ANK2: variants seen among roughly 807,000 people sequenced by gnomAD.
ANK2 encodes the protein ankyrin 2.
ANK2 carries 83 observed loss-of-function variants against 360.5 expected under a neutral mutation model. That is an observed-to-expected ratio of 0.23 (90% CI 0.19 to 0.28). ANK2 has a LOEUF of 0.28. Ranked by LOEUF, ANK2 falls within the 10% of genes least tolerant of loss-of-function variation. The probability of loss-of-function intolerance (pLI) is 1.00; values close to 1 mark genes in which losing one functional copy is unlikely to be tolerated. For missense variants in ANK2, 4,201 were observed against 4,795.7 expected (o/e 0.88, Z 3.66); for synonymous variants, 1,740 against 1,759.5 (o/e 0.99, Z 0.28).
At chr4:113,254,771 T>G (rs1223556120) in intron 10 of ANK2, among the ~76,000 whole-genome samples, 1 of 152,210 alleles carries the variant, frequency 6.6e-6, no homozygotes, top group African/African-American at 2.4e-5. Context: ...CCTTTTCTGG[T>G]AAAATATCCA....
chr4:113,285,163 C>T (rs1180768981), intron 18 of ANK2, among the ~76,000 whole-genome samples: 1 of 150,106 alleles, frequency 6.7e-6, no homozygotes, highest in Non-Finnish European at 1.5e-5. Context: ...TTCCAGAAAC[C>T]TTTCAAACAG....
chr4:112,826,495 G>GTTACATCTACTT, intron 1 of ANK2: 3 of 1,167,216 alleles, frequency 2.6e-6, no homozygotes, highest in Non-Finnish European at 3.8e-6. Flanking sequence ...ACATCTACTG[G>GTTACATCTACTT]GACCACATCT....
At chr4:112,997,789 C>T (rs1171545823) in intron 2 of ANK2, among the ~76,000 whole-genome samples, 4 of 150,992 alleles carry the variant, frequency 2.6e-5, no homozygotes. Flanking sequence ...ATACAAATGA[C>T]TTAAACATAT....
chr4:113,183,673 A>T (rs916144807), intron 2 of ANK2, among the ~76,000 whole-genome samples: 1 of 152,098 alleles, frequency 6.6e-6, no homozygotes, highest in African/African-American at 2.4e-5. Flanking sequence ...AGAGGGTTGG[A>T]TGCTTAAAAT....
chr4:112,778,033 G>A, the ANK2 span, among the ~76,000 whole-genome samples: 1 of 151,620 alleles, frequency 6.6e-6, no homozygotes, highest in Non-Finnish European at 1.5e-5. Context: ...GCAATGGCGC[G>A]ATCTCGGCTC....
the ANK2 span, among the ~76,000 whole-genome samples, chr4:112,801,267 A>G: frequency 6.6e-6 from 1 of 152,208 alleles, no homozygotes; most frequent in African/African-American, 2.4e-5. Context: ...AAATCATGAT[A>G]TCATTTTGTT....
chr4:113,054,384 A>C (rs538084058), intron 1 of ANK2, among the ~76,000 whole-genome samples: 1 of 152,256 alleles, frequency 6.6e-6, no homozygotes, highest in East Asian at 1.9e-4. Context: ...AGAGAGATGA[A>C]GGAGGAAAGT....
chr4:113,373,157 A>T lies in ANK2; in HGVS notation c.11678A>T (p.His3893Leu). The T allele has an allele frequency of 1.2e-6, 2 of 1,614,096 alleles. No homozygotes were observed. Among genetic ancestry groups the T allele is most frequent in the Non-Finnish European group, 1.7e-6 (2 of 1,179,926 alleles). Reference sequence around the variant, plus strand: ...GAAGAATACATTGATGAGCATGGACACACCGTGGTAAAGAAGGTATTGTCT... The same window carrying T: ...GAAGAATACATTGATGAGCATGGACTCACCGTGGTAAAGAAGGTATTGTCT... ...TEEEYIDEHGHTVVKKVTRKI... is the reference protein window; with the variant it reads ...TEEEYIDEHGLTVVKKVTRKI... Residue 3893 changes from histidine to leucine, a missense_variant, in exon 44 of 46, where the codon CAC (histidine) becomes CTC (leucine). Physicochemically the swap from His to Leu is moderately conservative, Grantham distance 99. Around this residue, in one of 4 missense-constraint regions of ANK2, gnomAD observed 2,642 missense variants for 2,714.5 expected, o/e 0.97. Transcript: ENST00000357077.
intron 2 of ANK2, among the ~76,000 whole-genome samples, chr4:113,009,848 TTTAA>T: frequency 6.6e-6 from 1 of 152,214 alleles, no homozygotes; most frequent in Non-Finnish European, 1.5e-5. Context: ...GGGATGTGCT[TTTAA>T]TTCTCACTGT....
chr4:113,190,650 G>A (rs1001002290), intron 2 of ANK2, among the ~76,000 whole-genome samples: 6 of 152,022 alleles, frequency 3.9e-5, no homozygotes, highest in South Asian at 4.2e-4. Flanking sequence ...TTTGTGTTAC[G>A]GAGGCCAGGG....
chr4:113,232,307 A>G (rs1176308749), intron 5 of ANK2, 48 bp downstream of exon 5: 4 of 1,333,814 alleles, frequency 3.0e-6, no homozygotes, highest in South Asian at 1.2e-5. Flanking sequence ...CTTAATGTCC[A>G]TATTCTTTAT....
intron 3 of ANK2, among the ~76,000 whole-genome samples, chr4:113,198,362 T>C (rs2153400908): frequency 6.6e-6 from 1 of 152,252 alleles, no homozygotes; most frequent in Non-Finnish European, 1.5e-5. Flanking sequence ...TTTTGTTATT[T>C]ATTTTAATCA....
At chr4:112,813,459 A>G (rs749631971), upstream of ANK2, among the ~76,000 whole-genome samples, 2 of 152,086 alleles carry the variant, frequency 1.3e-5, no homozygotes, top group Non-Finnish European at 2.9e-5. Flanking sequence ...AAAAGACAGA[A>G]TGCCGATGAA....
At chr4:112,823,545 C>A (rs563879221) in intron 1 of ANK2, among the ~76,000 whole-genome samples, 1 of 147,114 alleles carries the variant, frequency 6.8e-6, no homozygotes. Context: ...TCATTTATTT[C>A]CAAAAGATGT....
intron 37 of ANK2, among the ~76,000 whole-genome samples, chr4:113,352,537 T>C (rs1181563714): frequency 2.6e-5 from 4 of 152,210 alleles, no homozygotes; most frequent in Admixed American, 2.0e-4. Flanking sequence ...AAAATGTATA[T>C]ACATCATTAG....
At chr4:113,213,647 G>T (rs1333225105) in intron 4 of ANK2, among the ~76,000 whole-genome samples, 2 of 151,922 alleles carry the variant, frequency 1.3e-5, no homozygotes, top group African/African-American at 4.8e-5. Context: ...ATGCCCTCTG[G>T]AATCAGCCCG....
intron 1 of ANK2, among the ~76,000 whole-genome samples, chr4:112,843,149 G>A (rs2062515365): frequency 6.6e-6 from 1 of 152,170 alleles, no homozygotes; most frequent in African/African-American, 2.4e-5. Flanking sequence ...AATCACACAT[G>A]CAAAGTCCCG....
At chr4:112,958,476 C>T (rs939292221) in intron 2 of ANK2, among the ~76,000 whole-genome samples, 3 of 152,066 alleles carry the variant, frequency 2.0e-5, no homozygotes, top group East Asian at 1.9e-4. Flanking sequence ...CGCCTGCAAT[C>T]GCAGGCACTC....
intron 13 of ANK2, among the ~76,000 whole-genome samples, chr4:113,259,812 C>T (rs200107076): frequency 3.4e-3 from 365 of 106,070 alleles, no homozygotes; most frequent in Middle Eastern, 0.023. Context: ...CTTTTTTTTT[C>T]TTTTTTTTTT....
Sources: allele counts gnomAD v4.1 joint callset (sites outside exome capture counted in the v4.1 genomes callset), GRCh38; gene constraint gnomAD v4.1.1; regional missense constraint gnomAD v4.1.1; transcripts MANE v1.5; gene names NCBI Gene and HGNC (gene_info 2026-07-23, HGNC 2026-07-21).